Variants in MAP4 observed in about 807,000 individuals in gnomAD.
The protein encoded by MAP4 is microtubule associated protein 4.
Under a neutral mutation model 170.2 loss-of-function variants are expected in MAP4, and 76 were observed. The ratio of observed to expected loss-of-function variants is 0.45; its 90% confidence interval spans 0.37 to 0.54. The LOEUF is 0.54. MAP4 is among the 20% of genes least tolerant of loss of function. MAP4 has a pLI of 0.00. For missense variants in MAP4, 2,506 were observed against 2,748.0 expected (o/e 0.91, Z 1.97); for synonymous variants, 909 against 994.5 (o/e 0.91, Z 1.62).
At chr3:48,021,553 G>A (rs1294980374) in intron 1 of MAP4, among the ~76,000 whole-genome samples, 2 of 152,084 alleles carry the variant, frequency 1.3e-5, no homozygotes, top group African/African-American at 4.8e-5. Context: ...TCACCATGTT[G>A]GCCAGGCTGT....
chr3:47,970,737 A>C (rs1466560473), intron 3 of MAP4, among the ~76,000 whole-genome samples: 1 of 152,190 alleles, frequency 6.6e-6, no homozygotes, highest in Non-Finnish European at 1.5e-5. Flanking sequence ...GAATCGCTCG[A>C]ACCTGGGAGA....
At chr3:47,923,369 G>C (rs2100044067) in intron 4 of MAP4, among the ~76,000 whole-genome samples, 1 of 151,114 alleles carries the variant, frequency 6.6e-6, no homozygotes, top group Non-Finnish European at 1.5e-5. Context: ...ACTGCATCGG[G>C]AAGTGTGAAC....
At chr3:47,954,143 G>T (rs193294718) in intron 3 of MAP4, among the ~76,000 whole-genome samples, 2 of 152,246 alleles carry the variant, frequency 1.3e-5, no homozygotes, top group Admixed American at 1.3e-4. Flanking sequence ...GACATGGGTT[G>T]GCAAACTTTA....
At chr3:47,973,493 G>C (rs1271812210) in intron 3 of MAP4, 1 of 985,028 alleles carries the variant, frequency 1.0e-6, no homozygotes, top group Non-Finnish European at 1.2e-6. Context: ...AACAGATAGA[G>C]CTAACATATA....
At chr3:48,051,862 G>A (rs541592959) in intron 1 of MAP4, among the ~76,000 whole-genome samples, 4 of 152,118 alleles carry the variant, frequency 2.6e-5, no homozygotes, top group African/African-American at 4.8e-5. Flanking sequence ...ATTATAAATC[G>A]ACCATGTAAG....
chr3:47,891,095 C>G, intron 10 of MAP4: 2 of 1,535,260 alleles, frequency 1.3e-6, no homozygotes, highest in Non-Finnish European at 1.7e-6. Context: ...TTCTTTCTTC[C>G]CTGCCAGAGC....
At chr3:47,963,564 G>T (rs1274266695) in intron 3 of MAP4, among the ~76,000 whole-genome samples, 1 of 152,160 alleles carries the variant, frequency 6.6e-6, no homozygotes, top group Admixed American at 6.5e-5. Flanking sequence ...AACCTGGCAA[G>T]AATTATTACG....
intron 2 of MAP4, among the ~76,000 whole-genome samples, chr3:47,986,814 A>T (rs1390947782): frequency 6.6e-6 from 1 of 152,220 alleles, no homozygotes; most frequent in Admixed American, 6.5e-5. Flanking sequence ...GCATATATAT[A>T]AACTTCCCTA....
At chr3:47,995,621 C>A (rs138583061) in intron 2 of MAP4, among the ~76,000 whole-genome samples, 5 of 152,122 alleles carry the variant, frequency 3.3e-5, no homozygotes, top group Admixed American at 6.6e-5. Flanking sequence ...GTCTGCCCCC[C>A]CTCCCCAACA....
chr3:47,880,525 G>A lies in MAP4; in HGVS notation c.5435-3002C>T, dbSNP rs142610916. ...CTGTTGCCTAGGCTGCAGTACAGTG[G>A]CATGATCACAGCTCACTGCCACCTG... is the stretch of plus-strand genomic sequence containing the variant. On this transcript the variant is annotated intron_variant, in intron 10 of 20. Coordinates refer to ENST00000683076, the MANE Select transcript of MAP4 (RefSeq NM_001385682.1). Among the ~76,000 whole-genome samples the A allele has an allele frequency of 4.1e-3, 588 of 144,712 alleles. 6 individuals carry two copies. The highest frequency in any genetic ancestry group is 0.015 in the African/African-American group (569 of 38,368). 94.9% of individuals were successfully genotyped at this position (144,712 alleles called of 152,430 possible).
At chr3:48,056,110 G>A (rs1242022086) in intron 1 of MAP4, among the ~76,000 whole-genome samples, 3 of 143,162 alleles carry the variant, frequency 2.1e-5, no homozygotes, top group Non-Finnish European at 4.8e-5. Context: ...CCGGGAGGGA[G>A]GTGGGGGGGG....
intron 1 of MAP4, among the ~76,000 whole-genome samples, chr3:48,001,508 A>G (rs1219316646): frequency 6.6e-6 from 1 of 152,178 alleles, no homozygotes; most frequent in Non-Finnish European, 1.5e-5. Context: ...GTACCATTAT[A>G]CAAAAATGTA....
chr3:48,071,647 G>A (rs1252751203), intron 1 of MAP4, among the ~76,000 whole-genome samples: 3 of 152,064 alleles, frequency 2.0e-5, no homozygotes, highest in Non-Finnish European at 2.9e-5. Flanking sequence ...AAAAGTAGCC[G>A]GGTGCAGTCG....
chr3:48,014,335 G>A (rs992551988), intron 1 of MAP4, among the ~76,000 whole-genome samples: 2 of 152,166 alleles, frequency 1.3e-5, no homozygotes, highest in African/African-American at 4.8e-5. Context: ...CATTCTGTCT[G>A]ATGAGAAATT....
At chr3:47,996,662 T>G (rs897681206) in intron 2 of MAP4, among the ~76,000 whole-genome samples, 1 of 152,044 alleles carries the variant, frequency 6.6e-6, no homozygotes, top group Non-Finnish European at 1.5e-5. Flanking sequence ...GAGACATGCC[T>G]ATTTCCAACC....
chr3:48,018,608 A>G (rs111594537), upstream of MAP4, among the ~76,000 whole-genome samples: 10 of 152,076 alleles, frequency 6.6e-5, no homozygotes, highest in Non-Finnish European at 1.5e-4. Flanking sequence ...GATTGAGACC[A>G]TCCTGGCCAA....
chr3:47,920,353 C>G (rs572327102), intron 5 of MAP4, among the ~76,000 whole-genome samples: 2 of 152,232 alleles, frequency 1.3e-5, no homozygotes, highest in South Asian at 4.1e-4. Context: ...GTGATCTGCC[C>G]GCCTCTGCCT....
intron 10 of MAP4, among the ~76,000 whole-genome samples, chr3:47,896,106 G>A (rs1473883355): frequency 6.6e-6 from 1 of 152,152 alleles, no homozygotes; most frequent in Non-Finnish European, 1.5e-5. Flanking sequence ...TAAGTTTGGT[G>A]GTCACCCAGG....
At chr3:48,065,499 C>A (rs1364807673) in intron 1 of MAP4, among the ~76,000 whole-genome samples, 1 of 151,782 alleles carries the variant, frequency 6.6e-6, no homozygotes, top group African/African-American at 2.4e-5. Flanking sequence ...CCTGGGCCCT[C>A]CCAAAGTTAA....
Sources: allele counts gnomAD v4.1 joint callset (sites outside exome capture counted in the v4.1 genomes callset), GRCh38; gene constraint gnomAD v4.1.1; transcripts MANE v1.5; gene names NCBI Gene and HGNC (gene_info 2026-07-23, HGNC 2026-07-21).